Variants in MAGI3 observed in about 807,000 individuals in gnomAD.
The protein encoded by MAGI3 is membrane associated guanylate kinase, WW and PDZ domain containing 3.
A neutral mutation model predicts 121.8 loss-of-function variants in MAGI3; 43 were observed. That is an observed-to-expected ratio of 0.35 (90% CI 0.28 to 0.46). MAGI3 has a LOEUF of 0.46. Ranked by LOEUF, MAGI3 falls within the 20% of genes least tolerant of loss-of-function variation. The pLI, the probability that MAGI3 is intolerant of heterozygous loss-of-function variation, is 1.00. For missense variants in MAGI3, 1,547 were observed against 1,797.3 expected (o/e 0.86, Z 2.52); for synonymous variants, 553 against 639.3 (o/e 0.86, Z 2.04).
At position 113,681,303 on chromosome 1, in the gene MAGI3, T is replaced by C. The variant is rs1571045091; in HGVS notation, c.3295T>C (p.Leu1099=). Residue 1099 remains leucine (L), a synonymous_variant, in exon 20 of 21, where the codon TTG becomes CTG. Transcript: ENST00000307546. Reference sequence around the variant, plus strand: ...TGGTGGAAATAAAGTTCTTCTTCTTTTGAGGCCAGGAACTGGCTTGATACC... The same window carrying C: ...TGGTGGAAATAAAGTTCTTCTTCTTCTGAGGCCAGGAACTGGCTTGATACC... ...QAGGNKVLLL[L]RPGTGLIPDH... The C allele has an allele frequency of 6.2e-7, 1 of 1,614,150 alleles. No homozygotes were observed. The highest frequency in any genetic ancestry group is 8.5e-7 in the Non-Finnish European group (1 of 1,180,016).
chr1:113,536,562 A>G (rs1045046330), intron 1 of MAGI3, among the ~76,000 whole-genome samples: 2 of 152,114 alleles, frequency 1.3e-5, no homozygotes, highest in Non-Finnish European at 2.9e-5. Flanking sequence ...GACATCTAAC[A>G]CACACAGCAG....
Position 113,683,395 on chromosome 1 carries a change from A to C in MAGI3, c.3827A>C (p.Gln1276Pro). ...CQVSTRAGSG[Q>P]DQCRKSRGRS... ...GTCAGCACCAGGGCAGGCTCTGGAC[A>C]AGATCAGTGCAGAAAAAGCAGAGGT... The change falls in exon 21 of 21, where the codon CAA becomes CCA. Residue 1276 changes from glutamine (Q) to proline (P), a missense_variant. By Grantham distance (76) the Gln-to-Pro change is moderately conservative. Coordinates refer to ENST00000307546, the MANE Select transcript of MAGI3 (RefSeq NM_001142782.2). The C allele has an allele frequency of 6.2e-7, 1 of 1,614,064 alleles. No homozygotes were observed. The highest frequency in any genetic ancestry group is 2.2e-5 in the East Asian group (1 of 44,884).
intron 1 of MAGI3, among the ~76,000 whole-genome samples, chr1:113,446,526 A>AT (rs1183690482): frequency 6.6e-6 from 1 of 152,202 alleles, no homozygotes; most frequent in Non-Finnish European, 1.5e-5. Flanking sequence ...ACAGAAGTAT[A>AT]TATCAATAAA....
At chr1:113,583,196 G>C (rs1202546795) in intron 3 of MAGI3, among the ~76,000 whole-genome samples, 1 of 151,614 alleles carries the variant, frequency 6.6e-6, no homozygotes, top group Admixed American at 6.6e-5. Context: ...TGCACAACAT[G>C]CAGGTTTGTT....
At position 113,474,185 on chromosome 1, in the gene MAGI3, C is replaced by G. The variant is rs527362867; in HGVS notation, c.317-75330C>G. Reference sequence around the variant, plus strand: ...TTAGCCATTTGTCAGATGGGTAGATCGCAAAAATTTTCTCCCATTCTGTAG... The same window carrying G: ...TTAGCCATTTGTCAGATGGGTAGATGGCAAAAATTTTCTCCCATTCTGTAG... On this transcript the variant is annotated intron_variant, in intron 1 of 20. Transcript: ENST00000307546. 2.2e-4 allele frequency among the ~76,000 whole-genome samples: 33 copies of G among 152,010 alleles called. No homozygotes were observed. In the South Asian group the frequency reaches 3.1e-3, roughly 14 times the overall value.
chr1:113,577,422 A>G (rs1008615770), intron 2 of MAGI3, among the ~76,000 whole-genome samples: 4 of 152,116 alleles, frequency 2.6e-5, no homozygotes, highest in African/African-American at 7.2e-5. Flanking sequence ...ATGGCTCCAA[A>G]GAACTCTTCG....
At position 113,683,028 on chromosome 1, in the gene MAGI3, G is replaced by C. The variant is rs766680088; in HGVS notation, c.3460G>C (p.Val1154Leu). Reference protein sequence around the residue: ...HVPVIEESLRVQICEKAEELK... With the variant: ...HVPVIEESLRLQICEKAEELK... ...GCCAGTAATTGAAGAATCTTTGAGAGTTCAGATATGTGAAAAGGCAGAAGA... is the reference window on the plus strand; with the variant it reads ...GCCAGTAATTGAAGAATCTTTGAGACTTCAGATATGTGAAAAGGCAGAAGA... The change falls in exon 21 of 21, where the codon GTT becomes CTT. Residue 1154 changes from valine (V) to leucine (L), a missense_variant. Transcript: ENST00000307546. 6.2e-7 allele frequency: 1 copy of C among 1,613,894 alleles called. No homozygotes were observed. Among genetic ancestry groups the C allele is most frequent in the Non-Finnish European group, 8.5e-7 (1 of 1,179,866 alleles).
At chr1:113,404,376 A>G (rs1350039762) in intron 1 of MAGI3, 1 of 152,150 alleles carries the variant, frequency 6.6e-6, no homozygotes. Context: ...ATTTTCAAGA[A>G]TTTTGTGAGT....
rs563541203 is a variant in MAGI3, at chr1:113,443,493, A to G, written c.316+52144A>G. 2.6e-5 allele frequency among the ~76,000 whole-genome samples: 4 copies of G among 152,330 alleles called. No homozygotes were observed. The East Asian group carries it at 7.7e-4, about 29-fold the overall frequency. Reference sequence around the variant, plus strand: ...CTCCTCATTAGAAGTTTTACTCTTGATCAGAAGTTTATAAAGCTTATTTTA... The same window carrying G: ...CTCCTCATTAGAAGTTTTACTCTTGGTCAGAAGTTTATAAAGCTTATTTTA... On this transcript the variant is annotated intron_variant, in intron 1 of 20. Coordinates refer to ENST00000307546, the MANE Select transcript of MAGI3 (RefSeq NM_001142782.2).
Position 113,545,083 on chromosome 1 carries a change from G to GT in MAGI3, c.317-4422dup, listed in dbSNP as rs71962960. On this transcript the variant is annotated intron_variant, in intron 1 of 20. Coordinates refer to ENST00000307546, the MANE Select transcript of MAGI3 (RefSeq NM_001142782.2). ...GTTTTTTGTTTGTTTGTTTTGTTTT[G>GT]TTTTTTTTTTACAAAATCACTGAGA... 2.0e-3 allele frequency among the ~76,000 whole-genome samples: 283 copies of GT among 143,336 alleles called. 1 individual carries two copies. The highest frequency in any genetic ancestry group is 7.0e-3 in the Middle Eastern group (2 of 284). The allele number at this position is 143,336 out of a possible 152,430, so 94.0% of individuals were successfully genotyped here.
chr1:113,486,613 A>G (rs541208132), intron 1 of MAGI3, among the ~76,000 whole-genome samples: 1 of 148,814 alleles, frequency 6.7e-6, no homozygotes, highest in South Asian at 2.1e-4. Context: ...TAGTTTATAT[A>G]CTTTCTTGTG....
chr1:113,558,577 C>T (rs908549635), intron 2 of MAGI3, among the ~76,000 whole-genome samples: 3 of 151,538 alleles, frequency 2.0e-5, no homozygotes, highest in Admixed American at 2.0e-4. Context: ...ACCAAATCTA[C>T]GACTGACTGG....
At chr1:113,423,904 C>T (rs1284323135) in intron 1 of MAGI3, among the ~76,000 whole-genome samples, 11 of 134,124 alleles carry the variant, frequency 8.2e-5, no homozygotes, top group East Asian at 7.2e-4. Flanking sequence ...GGGGTGGGGG[C>T]GGGGACTGGT....
chr1:113,611,421 G>T (rs140972139), intron 6 of MAGI3, among the ~76,000 whole-genome samples: 1 of 152,196 alleles, frequency 6.6e-6, no homozygotes, highest in Admixed American at 6.5e-5. Context: ...ATTTGATAAT[G>T]TATCACTTTT....
chr1:113,475,413 T>C (rs1479377423), intron 1 of MAGI3, among the ~76,000 whole-genome samples: 1 of 152,200 alleles, frequency 6.6e-6, no homozygotes, highest in Non-Finnish European at 1.5e-5. Context: ...ATACGTTCCA[T>C]GAATACCTAA....
chr1:113,398,371 G>A (rs1651228284), intron 1 of MAGI3, among the ~76,000 whole-genome samples: 1 of 152,118 alleles, frequency 6.6e-6, no homozygotes, highest in East Asian at 1.9e-4. Flanking sequence ...GTGGTAATTG[G>A]AAAAAATTTT....
intron 2 of MAGI3, among the ~76,000 whole-genome samples, chr1:113,555,089 T>C (rs1285996617): frequency 6.7e-6 from 1 of 149,532 alleles, no homozygotes; most frequent in Non-Finnish European, 1.5e-5. Flanking sequence ...CCAGAGTCCA[T>C]CAAATAACAT....
intron 2 of MAGI3, among the ~76,000 whole-genome samples, chr1:113,560,393 AC>A (rs1660179110): frequency 1.3e-5 from 2 of 150,174 alleles, no homozygotes; most frequent in African/African-American, 5.0e-5. Flanking sequence ...AAACAAAAAA[AC>A]AAAAACAAAC....
intron 1 of MAGI3, among the ~76,000 whole-genome samples, chr1:113,459,879 C>A (rs1654945403): frequency 1.3e-5 from 2 of 152,068 alleles, no homozygotes; most frequent in Non-Finnish European, 2.9e-5. Context: ...GAAACTATTC[C>A]AAAAAACTGA....
Sources: allele counts gnomAD v4.1 joint callset (sites outside exome capture counted in the v4.1 genomes callset), GRCh38; gene constraint gnomAD v4.1.1; transcripts MANE v1.5; gene names NCBI Gene and HGNC (gene_info 2026-07-23, HGNC 2026-07-21).